Variants in PDE1C observed in about 807,000 individuals in gnomAD.
PDE1C encodes phosphodiesterase 1C, also known as dual specificity calcium/calmodulin-dependent 3',5'-cyclic nucleotide phosphodiesterase 1C.
In PDE1C, 62 loss-of-function variants were observed where a neutral mutation model predicts 93.1. The ratio of observed to expected loss-of-function variants is 0.67; its 90% CI spans 0.54 to 0.82. The LOEUF (loss-of-function observed/expected upper bound fraction) is 0.82. PDE1C is among the 40% of genes least tolerant of loss of function. The pLI, the probability that PDE1C is intolerant of heterozygous loss-of-function variation, is 0.00. For missense variants in PDE1C, 742 were observed against 884.6 expected (o/e 0.84, Z 2.04); for synonymous variants, 325 against 310.1 (o/e 1.05, Z -0.50).
chr7:32,041,366 T>A (rs533667786), intron 2 of PDE1C, among the ~76,000 whole-genome samples: 45 of 152,084 alleles, frequency 3.0e-4, no homozygotes, highest in Non-Finnish European at 6.2e-4. Flanking sequence ...GACACACCCT[T>A]CCAAAGCATG....
chr7:31,724,721 C>T, the PDE1C span, among the ~76,000 whole-genome samples: 1 of 152,194 alleles, frequency 6.6e-6, no homozygotes, highest in Non-Finnish European at 1.5e-5. Context: ...CCAGAGAGCA[C>T]AATATCCTCT....
At chr7:32,002,664 C>A (rs1462738795) in intron 2 of PDE1C, among the ~76,000 whole-genome samples, 1 of 152,110 alleles carries the variant, frequency 6.6e-6, no homozygotes, top group African/African-American at 2.4e-5. Flanking sequence ...CACACACCAC[C>A]CCCATCCCAA....
chr7:32,040,071 C>A (rs1791608933), intron 2 of PDE1C, among the ~76,000 whole-genome samples: 1 of 152,122 alleles, frequency 6.6e-6, no homozygotes, highest in Admixed American at 6.5e-5. Context: ...GTAAATGTAT[C>A]TAATACACCT....
chr7:31,715,638 C>T, the PDE1C span, among the ~76,000 whole-genome samples: 2 of 152,224 alleles, frequency 1.3e-5, no homozygotes, highest in Non-Finnish European at 2.9e-5. Flanking sequence ...AGCCCAGATG[C>T]TCACAGCTTA....
chr7:32,421,474 T>C (rs1180609816), intron 1 of PDE1C, among the ~76,000 whole-genome samples: 1 of 152,272 alleles, frequency 6.6e-6, no homozygotes, highest in African/African-American at 2.4e-5. Context: ...ATGTGCCAAG[T>C]ACCTTGCATA....
intron 3 of PDE1C, among the ~76,000 whole-genome samples, chr7:32,162,421 A>T (rs1801979082): frequency 6.6e-6 from 1 of 152,196 alleles, no homozygotes; most frequent in Admixed American, 6.5e-5. Flanking sequence ...TCAAGACAGG[A>T]TTAGACATAC....
At chr7:31,818,304 G>C (rs1386067184) in intron 14 of PDE1C, among the ~76,000 whole-genome samples, 2 of 152,146 alleles carry the variant, frequency 1.3e-5, no homozygotes, top group African/African-American at 4.8e-5. Flanking sequence ...AGAAGATGGT[G>C]AGATGGCATT....
Position 31,753,362 on chromosome 7 carries a change from T to C in PDE1C, c.*22A>G, listed in dbSNP as rs531718390. 1 of 1,605,282 alleles carries C rather than the reference T, an allele frequency of 6.2e-7. No homozygotes were observed. The highest frequency in any genetic ancestry group is 2.2e-5 in the East Asian group (1 of 44,820). ...AGCAGATAGGTAGACCCTCCTTCAC[T>C]CCCTCTCTTCTTCCCCTCGGCCTAT... On this transcript the variant is annotated 3_prime_UTR_variant, in exon 18 of 18. Coordinates refer to ENST00000396191, the MANE Select transcript of PDE1C (RefSeq NM_001191057.4).
At chr7:31,619,643 G>C in the PDE1C span, among the ~76,000 whole-genome samples, 1 of 152,120 alleles carries the variant, frequency 6.6e-6, no homozygotes, top group Non-Finnish European at 1.5e-5. Flanking sequence ...TGGCCGAATA[G>C]GAACAGCTCC....
upstream of PDE1C, among the ~76,000 whole-genome samples, chr7:32,304,191 C>A (rs1032987060): frequency 6.6e-6 from 1 of 152,100 alleles, no homozygotes. Context: ...GGGGAGGTAA[C>A]CACCCGACTT....
At chr7:32,087,603 A>C (rs2128742586) in intron 3 of PDE1C, among the ~76,000 whole-genome samples, 1 of 152,322 alleles carries the variant, frequency 6.6e-6, no homozygotes, top group Non-Finnish European at 1.5e-5. Flanking sequence ...AACCAACCCA[A>C]ATGTCCAACC....
At chr7:32,308,968 T>G (rs11768919) in intron 1 of PDE1C, among the ~76,000 whole-genome samples, 3,125 of 151,492 alleles carry the variant, frequency 0.021, 37 homozygotes, top group Middle Eastern at 0.048. Flanking sequence ...AGGAGGAAAC[T>G]CAAACCAATG....
At chr7:32,239,922 G>A (rs927222562) in intron 1 of PDE1C, among the ~76,000 whole-genome samples, 1 of 152,220 alleles carries the variant, frequency 6.6e-6, no homozygotes, top group Non-Finnish European at 1.5e-5. Flanking sequence ...AAACCTTTAA[G>A]AGCCAGCATG....
At chr7:32,018,926 G>A (rs1413083157) in intron 2 of PDE1C, among the ~76,000 whole-genome samples, 4 of 151,940 alleles carry the variant, frequency 2.6e-5, no homozygotes, top group Non-Finnish European at 4.4e-5. Context: ...AGTTTATAGT[G>A]GTAGTAGAAC....
At chr7:31,844,664 T>A (rs1034085352) in intron 9 of PDE1C, among the ~76,000 whole-genome samples, 8 of 152,162 alleles carry the variant, frequency 5.3e-5, no homozygotes, top group Non-Finnish European at 7.4e-5. Flanking sequence ...TTCTTGAATC[T>A]GTATATTTAT....
At chr7:32,161,350 C>T (rs961619388) in intron 3 of PDE1C, among the ~76,000 whole-genome samples, 1 of 152,210 alleles carries the variant, frequency 6.6e-6, no homozygotes, top group Non-Finnish European at 1.5e-5. Context: ...CATTGGGCTA[C>T]ACCCGTGATC....
chr7:32,185,917 G>A (rs1017030062), intron 2 of PDE1C, among the ~76,000 whole-genome samples: 1 of 152,126 alleles, frequency 6.6e-6, no homozygotes, highest in Non-Finnish European at 1.5e-5. Context: ...ACTGGACCGT[G>A]CTAGTCTAGA....
intron 3 of PDE1C, among the ~76,000 whole-genome samples, chr7:32,139,670 T>C (rs960147475): frequency 1.8e-4 from 27 of 152,180 alleles, no homozygotes; most frequent in Non-Finnish European, 3.2e-4. Flanking sequence ...CTGATTGGTA[T>C]AAACCTATTA....
the PDE1C span, among the ~76,000 whole-genome samples, chr7:31,702,684 A>T: frequency 2.0e-5 from 3 of 152,142 alleles, no homozygotes; most frequent in Non-Finnish European, 4.4e-5. Context: ...GACTTACATC[A>T]ACAACTTGCA....
Sources: allele counts gnomAD v4.1 joint callset (sites outside exome capture counted in the v4.1 genomes callset), GRCh38; gene constraint gnomAD v4.1.1; transcripts MANE v1.5; gene names NCBI Gene and HGNC (gene_info 2026-07-23, HGNC 2026-07-21).